The following TRPM5 variants were observed in gnomAD, a reference collection of about 807,000 sequenced individuals.
The protein encoded by TRPM5 is transient receptor potential cation channel subfamily M member 5.
In TRPM5, 121 loss-of-function variants were observed where a neutral mutation model predicts 124.9. The observed-to-expected ratio is 0.97, with a 90% confidence interval of 0.84 to 1.13. The LOEUF (loss-of-function observed/expected upper bound fraction) is 1.13, where lower values mean the gene tolerates loss of function less well. TRPM5 is among the 50% of genes most tolerant of loss of function. The pLI is 0.00. For missense variants in TRPM5, 1,643 were observed against 1,589.1 expected (o/e 1.03, Z -0.58); for synonymous variants, 781 against 700.5 (o/e 1.11, Z -1.81).
intron 18 of TRPM5, among the ~76,000 whole-genome samples, chr11:2,409,278 A>T (rs927136718): frequency 2.0e-5 from 3 of 151,956 alleles, no homozygotes; most frequent in Non-Finnish European, 4.4e-5. Flanking sequence ...GGGCAGACTG[A>T]TGACCCCCTC....
intron 2 of TRPM5, 41 bp downstream of exon 7, chr11:2,422,100 C>T (rs534148263): frequency 1.3e-6 from 2 of 1,538,106 alleles, no homozygotes; most frequent in South Asian, 2.5e-5. Context: ...TCGGGCTGCC[C>T]TGTGGGGTGG....
intron 21 of TRPM5, among the ~76,000 whole-genome samples, chr11:2,406,381 G>A (rs938121144): frequency 1.3e-5 from 2 of 152,090 alleles, no homozygotes; most frequent in Non-Finnish European, 2.9e-5. Flanking sequence ...CCTGGAGCCA[G>A]GGCTGGAGGG....
chr11:2,406,639 T>G (rs1850328892), intron 21 of TRPM5, 22 bp downstream of exon 26: 32 of 1,583,416 alleles, frequency 2.0e-5, no homozygotes, highest in Non-Finnish European at 2.7e-5. Context: ...TACCCACCAG[T>G]GATCAGGACA....
chr11:2,417,719 GC>G lies in TRPM5; in HGVS notation c.1009+7del. On this transcript the variant is annotated splice_region_variant and intron_variant, in intron 7 of 23. Transcript: ENST00000155858. ...GGCGCCTGCCTTGCCCACCCTGCCC[GC>G]CCTCACCTTTCACCAGCGCCTTCAG... is the stretch of plus-strand genomic sequence containing the variant. 2 of 382,334 alleles carry G rather than the reference GC, an allele frequency of 5.2e-6. No homozygotes were observed. The highest frequency in any genetic ancestry group is 9.4e-6 in the Non-Finnish European group (2 of 212,030). 23.7% of individuals were successfully genotyped at this position (382,334 alleles called of 1,614,324 possible). A position where few individuals can be genotyped will look rare whatever the true frequency, so the allele number is the denominator to read the frequency against.
rs1465730979 is a variant in TRPM5, at chr11:2,405,172, C to A, written c.3392-129G>T. 4.1e-6 allele frequency: 3 copies of A among 734,718 alleles called. No homozygotes were observed. In the East Asian group the frequency reaches 8.1e-5, roughly 20 times the overall value. 45.5% of individuals were successfully genotyped at this position (734,718 alleles called of 1,614,324 possible). ...TCAGAGTGAGTCCCCACAGGCCAGCCTGGGGAAGATGGGGAGCCCAGAGAC... is the reference window on the plus strand; with the variant it reads ...TCAGAGTGAGTCCCCACAGGCCAGCATGGGGAAGATGGGGAGCCCAGAGAC... On this transcript the variant is annotated intron_variant, in intron 23 of 23. Coordinates refer to ENST00000155858, the Ensembl canonical transcript of TRPM5.
chr11:2,422,048 T>C, intron 2 of TRPM5, 93 bp downstream of exon 7: 39 of 1,256,100 alleles, frequency 3.1e-5, no homozygotes, highest in Non-Finnish European at 4.0e-5. Context: ...CCCTGTGGGG[T>C]GGGAGCACTG....
At position 2,419,790 on chromosome 11, in the gene TRPM5, C is replaced by A. The variant is rs565539020; in HGVS notation, c.649+432G>T. ...TTAGTAAGTCCAGCTTTTGAACGTGCGACTGGCCAGAGGTGCCCATTTCTC... is the reference window on the plus strand; with the variant it reads ...TTAGTAAGTCCAGCTTTTGAACGTGAGACTGGCCAGAGGTGCCCATTTCTC... On this transcript the variant is annotated intron_variant, in intron 4 of 23. Transcript: ENST00000155858. 2.6e-5 allele frequency among the ~76,000 whole-genome samples: 4 copies of A among 152,318 alleles called. No homozygotes were observed. The East Asian group carries it at 7.7e-4, about 29-fold the overall frequency.
At chr11:2,405,973 A>T (rs1355004988) in intron 22 of TRPM5, 46 bp downstream of exon 27, 8 of 1,556,648 alleles carry the variant, frequency 5.1e-6, no homozygotes, top group African/African-American at 1.4e-5. Flanking sequence ...AGCCCCACGC[A>T]GCCACCCGCC....
intron 19 of TRPM5, 58 bp downstream of exon 24, chr11:2,407,691 GTGTTGGGGAA>G: frequency 6.4e-7 from 1 of 1,572,948 alleles, no homozygotes; most frequent in Non-Finnish European, 8.7e-7. Context: ...AAAGGAGGCG[GTGTTGGGGAA>G]TGACCCTCTG....
chr11:2,421,279 C>A, intron 2 of TRPM5, 81 bp from the exon 8 acceptor site: 1 of 1,438,326 alleles, frequency 7.0e-7, no homozygotes, highest in Non-Finnish European at 9.2e-7. Context: ...CCCCTAGGCC[C>A]AATCAGCAGC....
chr11:2,423,051 C>T (rs995032702), upstream of TRPM5: 1 of 1,600,128 alleles, frequency 6.2e-7, no homozygotes, highest in African/African-American at 1.3e-5. Context: ...GCCTCTAGAG[C>T]TGCAGGGATA....
At chr11:2,406,159 ATCCCCC>A in intron 21 of TRPM5, 68 bp from the exon 27 acceptor site, 2 of 1,561,798 alleles carry the variant, frequency 1.3e-6, no homozygotes, top group Non-Finnish European at 1.7e-6. Context: ...GAGCCTCCCC[ATCCCCC>A]CAGGCCTCCC....
chr11:2,420,725 G>A (rs569540055), intron 3 of TRPM5, among the ~76,000 whole-genome samples: 5 of 152,358 alleles, frequency 3.3e-5, no homozygotes, highest in Admixed American at 2.0e-4. Flanking sequence ...GGGGCTGCCC[G>A]GGCCTCCCTC....
exon 6 of TRPM5, chr11:2,418,217 A>G: frequency 6.3e-7 from 1 of 1,585,184 alleles, no homozygotes; most frequent in Non-Finnish European, 8.6e-7. Flanking sequence ...TTGCTGGGGA[A>G]CTTCTCCTTA....
At chr11:2,413,802 G>C (rs1428015690) in intron 12 of TRPM5, among the ~76,000 whole-genome samples, 1 of 152,208 alleles carries the variant, frequency 6.6e-6, no homozygotes, top group African/African-American at 2.4e-5. Context: ...CCTTCACTAG[G>C]GAAAAGATTG....
At position 2,412,778 on chromosome 11, in the gene TRPM5, C is replaced by T. The variant is rs770459868; in HGVS notation, c.2331G>A (p.Thr777=). The change falls in exon 15 of 24, where the codon ACG becomes ACA. Residue 777 remains threonine, a synonymous_variant. Transcript: ENST00000155858. Reference sequence around the variant, plus strand: ...CCTGCCGGATTTCCTCCAGCACCAGCGTAAAGACCCAGAAGTAGAGGGTGA... The same window carrying T: ...CCTGCCGGATTTCCTCCAGCACCAGTGTAAAGACCCAGAAGTAGAGGGTGA... 1.4e-5 allele frequency: 23 copies of T among 1,605,156 alleles called. No individual in the cohort carries two copies. In the Middle Eastern group the frequency reaches 5.0e-4, roughly 35 times the overall value.
At chr11:2,432,519 A>T in the TRPM5 span, among the ~76,000 whole-genome samples, 1 of 152,052 alleles carries the variant, frequency 6.6e-6, no homozygotes, top group Non-Finnish European at 1.5e-5. Flanking sequence ...TCAGAAGCTG[A>T]CCCCAGTGTC....
the TRPM5 span, among the ~76,000 whole-genome samples, chr11:2,440,975 T>C: frequency 6.6e-6 from 1 of 152,206 alleles, no homozygotes; most frequent in Admixed American, 6.5e-5. The surrounding 1 kb of genome is among the most constrained non-coding windows in gnomAD (Gnocchi z 5.2). Context: ...CTGACCCTGC[T>C]GGAGGAACAT....
At chr11:2,409,591 G>A (rs1353956374) in intron 18 of TRPM5, among the ~76,000 whole-genome samples, 1 of 152,200 alleles carries the variant, frequency 6.6e-6, no homozygotes, top group East Asian at 1.9e-4. Context: ...AACTGTCTGA[G>A]CCTCAGTCTC....
Sources: gnomAD v4.1 joint callset for allele counts (sites outside exome capture counted in the v4.1 genomes callset) on GRCh38, gnomAD v4.1.1 for gene constraint, Gnocchi (gnomAD v3.1) non-coding constraint, MANE v1.5 for transcripts, NCBI Gene and HGNC (gene_info 2026-07-23, HGNC 2026-07-21) for gene names.